METTL2A: variants seen among roughly 807,000 people sequenced by gnomAD.
METTL2A encodes the protein tRNA N(3)-cytidine methyltransferase METTL2A.
Under a neutral mutation model 49.4 loss-of-function variants are expected in METTL2A, and 45 were observed. The observed-to-expected ratio is 0.91, with a 90% CI of 0.72 to 1.17. The LOEUF (loss-of-function observed/expected upper bound fraction) is 1.17. Among genes scored for constraint, METTL2A ranks in the 50% most tolerant of loss-of-function variants. METTL2A has a pLI of 0.00. For synonymous variants in METTL2A, 118 were observed against 167.5 expected, an observed-to-expected ratio of 0.70 and a Z score of 2.28; for missense variants, 361 against 462.2, an observed-to-expected ratio of 0.78 and a Z score of 2.01.
rs143224261 is a variant in METTL2A at position 62,437,755 on chromosome 17, C to T, written c.669+2463C>T. 4.1e-3 allele frequency among the ~76,000 whole-genome samples: 628 copies of T among 151,892 alleles called. 4 individuals carry two copies. Among genetic ancestry groups the T allele is most frequent in the African/African-American group, 0.014 (600 of 41,466 alleles). On this transcript the variant is annotated intron_variant, in intron 5 of 8. Transcript: ENST00000311506. ...TTGGGAGGCCAAGGCCAGCGGATCA[C>T]GAGGTCAGGAGTTCGATACCATCCT...
At position 62,448,652 on chromosome 17, in the gene METTL2A, C is replaced by G. The variant is rs528434306; in HGVS notation, c.1060C>G (p.Arg354Gly). Residue 354 changes from arginine (R) to glycine (G), a missense_variant, in exon 9 of 9, where the codon CGA (arginine) becomes GGA (glycine). Physicochemically the swap from Arg to Gly is moderately radical, Grantham distance 125. Around this residue, in one of 3 missense-constraint regions of METTL2A, gnomAD observed 183 missense variants for 216.5 expected, o/e 0.85. Transcript: ENST00000311506. ...GGTGGATCGCCGACTGCAGGTGAACCGAGGAAAGCAACTGACAATGTACCG... is the reference window on the plus strand; with the variant it reads ...GGTGGATCGCCGACTGCAGGTGAACGGAGGAAAGCAACTGACAATGTACCG... ...NLVDRRLQVN[R>G]GKQLTMYRVW... is the part of the protein sequence containing the mutation. 1.7e-4 allele frequency: 279 copies of G among 1,614,144 alleles called. 3 individuals are homozygous for G. In the South Asian group the frequency reaches 3.0e-3, roughly 17 times the overall value.
At chr17:62,445,051 C>T in intron 7 of METTL2A, 108 bp downstream of exon 7, 2 of 1,287,252 alleles carry the variant, frequency 1.6e-6, no homozygotes, top group African/African-American at 3.0e-5. Flanking sequence ...GAACAGAAAA[C>T]CAAACACCAC....
intron 5 of METTL2A, among the ~76,000 whole-genome samples, chr17:62,436,087 C>G (rs1176365351): frequency 2.0e-5 from 3 of 151,806 alleles, no homozygotes; most frequent in African/African-American, 4.8e-5. Context: ...AAAAAATTAG[C>G]CGGGCTAAAA....
At chr17:62,428,663 G>GC (rs2070644317) in intron 4 of METTL2A, among the ~76,000 whole-genome samples, 1 of 152,240 alleles carries the variant, frequency 6.6e-6, no homozygotes. Flanking sequence ...TTAACAGCCA[G>GC]CTGAAGAAGT....
chr17:62,450,238 G>T lies in METTL2A; in HGVS notation c.*1509G>T, dbSNP rs2070797191. The T allele has an allele frequency of 8.2e-6, 1 of 121,984 alleles. No individual in the cohort carries two copies. Among genetic ancestry groups the T allele is most frequent in the Admixed American group, 9.5e-5 (1 of 10,478 alleles). 7.6% of individuals were successfully genotyped at this position (121,984 alleles called of 1,614,324 possible). A position where few individuals can be genotyped will look rare whatever the true frequency, so the allele number is the denominator to read the frequency against. On this transcript the variant is annotated 3_prime_UTR_variant, in exon 9 of 9. Transcript: ENST00000311506. Reference sequence around the variant, plus strand: ...ACTTCTGAATGTGATCATTATCAGTGTTAGATGCCTTTTTTTTTTTTTTTT... The same window carrying T: ...ACTTCTGAATGTGATCATTATCAGTTTTAGATGCCTTTTTTTTTTTTTTTT...
chr17:62,440,707 C>T lies in METTL2A; in HGVS notation c.760C>T (p.Leu254Phe). The change falls in exon 6 of 9, where the codon CTT becomes TTT. Residue 254 changes from leucine (L) to phenylalanine (F), a missense_variant. Around this residue, in one of 3 missense-constraint regions of METTL2A, gnomAD observed 183 missense variants for 216.5 expected, o/e 0.85. Transcript: ENST00000311506. ...EKSYPVPKGS[L>F]DIIILIFVLS... ...GAGTTACCCAGTGCCCAAGGGCAGT[C>T]TTGATATTATCATTCTCATATTTGT... The T allele has an allele frequency of 3.7e-6, 6 of 1,614,036 alleles. No individual in the cohort carries two copies. Among genetic ancestry groups the T allele is most frequent in the Non-Finnish European group, 4.2e-6 (5 of 1,180,010 alleles).
chr17:62,445,712 G>A (rs982264461), intron 7 of METTL2A, among the ~76,000 whole-genome samples: 2 of 151,754 alleles, frequency 1.3e-5, no homozygotes, highest in South Asian at 2.1e-4. Flanking sequence ...CAGGAGAATC[G>A]CTTGAACCCA....
intron 7 of METTL2A, among the ~76,000 whole-genome samples, chr17:62,445,908 T>C (rs1281846506): frequency 1.3e-5 from 2 of 152,142 alleles, no homozygotes; most frequent in Non-Finnish European, 2.9e-5. Context: ...ATATTTTCAG[T>C]GCATATAATA....
rs113020683 is a variant in METTL2A at position 62,433,799 on chromosome 17, C to T, written c.609-1433C>T. On this transcript the variant is annotated intron_variant, in intron 4 of 8. Transcript: ENST00000311506. Reference sequence around the variant, plus strand: ...AACGCTTGCCAGGCGCGGTGGCTCACCCCTGAAATTCCAGCACCTTGGGAG... The same window carrying T: ...AACGCTTGCCAGGCGCGGTGGCTCATCCCTGAAATTCCAGCACCTTGGGAG... 5.7e-3 allele frequency among the ~76,000 whole-genome samples: 864 copies of T among 151,806 alleles called. 7 individuals carry two copies. The highest frequency in any genetic ancestry group is 0.02 in the African/African-American group (824 of 41,434).
rs2144165609 is a variant in METTL2A at position 62,451,982 on chromosome 17, C to A, written c.*3253C>A. Among the ~76,000 whole-genome samples the A allele has an allele frequency of 6.7e-6, 1 of 149,540 alleles. No homozygotes were observed. The highest frequency in any genetic ancestry group is 2.5e-5 in the African/African-American group (1 of 40,556). On this transcript the variant is annotated 3_prime_UTR_variant, in exon 9 of 9. Transcript: ENST00000311506. ...GGGTGGCTCTAGAGAATCATTTGAA[C>A]CTGGGAGGCGGAGGTTGCGGTGAGC... is the stretch of plus-strand genomic sequence containing the variant.
rs1433419153 is a variant in METTL2A, at chr17:62,449,518, G to C, written c.*789G>C. 19 of 378,106 alleles carry C rather than the reference G, an allele frequency of 5.0e-5. No homozygotes were observed. Among genetic ancestry groups the C allele is most frequent in the African/African-American group, 1.1e-4 (5 of 44,958 alleles). The allele number at this position is 378,106 out of a possible 1,614,324, so 23.4% of individuals were successfully genotyped here. A position where few individuals can be genotyped will look rare whatever the true frequency, so the allele number is the denominator to read the frequency against. ...CTGAGGTCAGGAGTTGGAGACCAGC[G>C]TGGCCAACATGGTGAAACCCCGTCT... On this transcript the variant is annotated 3_prime_UTR_variant, in exon 9 of 9. Coordinates refer to ENST00000311506, the MANE Select transcript of METTL2A (RefSeq NM_181725.4).
rs913998445 is a variant in METTL2A, at chr17:62,449,774, C to G, written c.*1045C>G. The G allele has an allele frequency of 1.2e-5, 2 of 165,880 alleles. No homozygotes were observed. The highest frequency in any genetic ancestry group is 6.0e-5 in the Admixed American group (1 of 16,776). The allele number at this position is 165,880 out of a possible 1,614,324, so 10.3% of individuals were successfully genotyped here. A position where few individuals can be genotyped will look rare whatever the true frequency, so the allele number is the denominator to read the frequency against. Reference sequence around the variant, plus strand: ...ATTTTAAGCATTGTTCCCCCTCTAACCTGTGTCTAAAGAATTAAAAGAATT... The same window carrying G: ...ATTTTAAGCATTGTTCCCCCTCTAAGCTGTGTCTAAAGAATTAAAAGAATT... On this transcript the variant is annotated 3_prime_UTR_variant, in exon 9 of 9. Transcript: ENST00000311506.
At chr17:62,438,974 T>C (rs916508155) in intron 5 of METTL2A, among the ~76,000 whole-genome samples, 1 of 78,068 alleles carries the variant, frequency 1.3e-5, no homozygotes, top group Non-Finnish European at 2.2e-5. Context: ...ACTTGGCTAA[T>C]TTTTTTTTTT....
At chr17:62,425,990 G>A (rs2070622677) in intron 2 of METTL2A, among the ~76,000 whole-genome samples, 1 of 148,370 alleles carries the variant, frequency 6.7e-6, no homozygotes, top group South Asian at 2.1e-4. Flanking sequence ...GACAGAGCGA[G>A]ACTCTGTCTC....
chr17:62,438,552 G>A lies in METTL2A; in HGVS notation c.670-2065G>A, dbSNP rs1204673844. Among the ~76,000 whole-genome samples, 3 of 150,234 alleles carry A rather than the reference G, an allele frequency of 2.0e-5. No individual in the cohort carries two copies. The Admixed American group carries it at 2.0e-4, about 10-fold the overall frequency. On this transcript the variant is annotated intron_variant, in intron 5 of 8. Transcript: ENST00000311506. ...AGCCGAGATCGCACCACTCCAGCCTGGGCAACAGAACAAGACTCTGTTTCA... is the reference window on the plus strand; with the variant it reads ...AGCCGAGATCGCACCACTCCAGCCTAGGCAACAGAACAAGACTCTGTTTCA...
intron 2 of METTL2A, among the ~76,000 whole-genome samples, chr17:62,425,389 C>CTTTTTTCTT (rs2070616713): frequency 1.3e-5 from 1 of 78,218 alleles, no homozygotes; most frequent in African/African-American, 5.2e-5. Flanking sequence ...ACTGTCCATA[C>CTTTTTTCTT]TTTTTTTTTT....
chr17:62,440,364 C>G (rs1359454032), intron 5 of METTL2A, among the ~76,000 whole-genome samples: 1 of 152,034 alleles, frequency 6.6e-6, no homozygotes, highest in Non-Finnish European at 1.5e-5. Context: ...ACTTTTTCAC[C>G]AATCTATATA....
rs892512857 is a variant in METTL2A at position 62,449,430 on chromosome 17, G to T, written c.*701G>T. On this transcript the variant is annotated 3_prime_UTR_variant, in exon 9 of 9. Transcript: ENST00000311506. ...TGGTCTTCGCTTTAATCTTAGTTCC[G>T]CCAGGCACGGTGGCTCACACCTGTA... 4.2e-5 allele frequency: 19 copies of T among 451,138 alleles called. No homozygotes were observed. The highest frequency in any genetic ancestry group is 3.0e-4 in the South Asian group (19 of 64,256). The allele number at this position is 451,138 out of a possible 1,614,324, so 27.9% of individuals were successfully genotyped here. A position where few individuals can be genotyped will look rare whatever the true frequency, so the allele number is the denominator to read the frequency against.
intron 4 of METTL2A, among the ~76,000 whole-genome samples, chr17:62,430,496 A>AAGT (rs1475840580): frequency 1.3e-5 from 2 of 152,216 alleles, no homozygotes; most frequent in Admixed American, 1.3e-4. Flanking sequence ...AGTCCTCTAC[A>AAGT]AGAGTGTGCC....
Sources: gnomAD v4.1 joint callset for allele counts (sites outside exome capture counted in the v4.1 genomes callset) on GRCh38, gnomAD v4.1.1 for gene constraint, gnomAD v4.1.1 regional missense constraint, MANE v1.5 for transcripts, NCBI Gene and HGNC (gene_info 2026-07-23, HGNC 2026-07-21) for gene names.